BRD1: variants seen among roughly 807,000 people sequenced by gnomAD.
The protein encoded by BRD1 is bromodomain containing 1.
BRD1 carries 24 observed loss-of-function variants against 107.7 expected under a neutral mutation model. The observed-to-expected ratio is 0.22, with a 90% CI of 0.16 to 0.31. The LOEUF (loss-of-function observed/expected upper bound fraction) is 0.31, where lower values mean the gene tolerates loss of function less well. Ranked by LOEUF, BRD1 falls within the 10% of genes least tolerant of loss-of-function variation. The pLI is 1.00. For synonymous variants in BRD1, 744 were observed against 686.1 expected (o/e 1.08, Z -1.32); for missense variants, 1,279 against 1,638.6 (o/e 0.78, Z 3.79).
intron 2 of BRD1, chr22:49,806,391 A>T (rs966093492): frequency 6.6e-6 from 1 of 152,176 alleles, no homozygotes; most frequent in Non-Finnish European, 1.5e-5. Context: ...TGCGTCTGTG[A>T]CCCCAACTAC....
At chr22:49,780,103 G>A (rs1023836329) in intron 8 of BRD1, among the ~76,000 whole-genome samples, 3 of 152,170 alleles carry the variant, frequency 2.0e-5, no homozygotes, top group African/African-American at 7.2e-5. Flanking sequence ...ACGATGACCA[G>A]TGCGGCCTTC....
In BRD1 at chr22:49,775,596, T is replaced by C. The variant is rs766623096; in HGVS notation, c.3381A>G (p.Arg1127=). The C allele has an allele frequency of 6.2e-7, 1 of 1,606,916 alleles. No homozygotes were observed. Among genetic ancestry groups the C allele is most frequent in the Non-Finnish European group, 8.5e-7 (1 of 1,176,774 alleles). Residue 1127 remains arginine (R), a synonymous_variant, in exon 12 of 13, where the codon AGA becomes AGG. Transcript: ENST00000404760. ...LFLVLFFDNK[R]SWQWLPKSKM... The stretch of plus-strand genomic sequence containing the variant: ...TCTAAGGCCTCTCAACTCACCAACT[T>C]CTCTTATTATCAAAAAAGAGAACGA...
intron 8 of BRD1, 75 bp downstream of exon 8, chr22:49,787,315 C>G: frequency 8.4e-6 from 7 of 834,850 alleles, no homozygotes; most frequent in East Asian, 9.6e-5. Context: ...CCCCCCCCGT[C>G]ACACCAATGA....
chr22:49,792,133 G>A lies in BRD1; in HGVS notation c.2359+1901C>T, dbSNP rs1309999280. Among the ~76,000 whole-genome samples, 1 of 151,832 alleles carries A rather than the reference G, an allele frequency of 6.6e-6. No individual in the cohort carries two copies. The highest frequency in any genetic ancestry group is 1.5e-5 in the Non-Finnish European group (1 of 68,008). ...GTCCTGTGACCCAATAACCGTGCGGGGTCCTCAGCCCTGTGACCCAATGGC... is the reference window on the plus strand; with the variant it reads ...GTCCTGTGACCCAATAACCGTGCGGAGTCCTCAGCCCTGTGACCCAATGGC... On this transcript the variant is annotated intron_variant, in intron 7 of 12. Transcript: ENST00000404760. The surrounding 1 kb of genome is among the most constrained non-coding windows in gnomAD (Gnocchi z 4.2).
chr22:49,807,420 A>C (rs1336498589), intron 2 of BRD1, among the ~76,000 whole-genome samples: 1 of 152,242 alleles, frequency 6.6e-6, no homozygotes, highest in Non-Finnish European at 1.5e-5. Context: ...AAGGACACAC[A>C]TATAGACCAT....
chr22:49,798,210 CCTAT>C (rs1258911952), intron 5 of BRD1, 93 bp from the exon 6 acceptor site: 2 of 1,285,154 alleles, frequency 1.6e-6, no homozygotes, highest in African/African-American at 3.0e-5. Context: ...ACAAGCCCAT[CCTAT>C]CTGAGAGCCA....
chr22:49,806,227 C>A (rs1312677515), intron 2 of BRD1: 2 of 152,184 alleles, frequency 1.3e-5, no homozygotes, highest in African/African-American at 4.8e-5. Flanking sequence ...TTTCTTCTGA[C>A]CCATGAGATG....
intron 10 of BRD1, among the ~76,000 whole-genome samples, 181 bp downstream of exon 10, chr22:49,776,853 G>T (rs571395881): frequency 2.6e-5 from 4 of 152,252 alleles, no homozygotes; most frequent in Non-Finnish European, 2.9e-5. Context: ...CAGGCACCCC[G>T]GCAGGGCCAC....
rs897548131 is a variant in BRD1, at chr22:49,774,132, G to A, written c.*101C>T. The stretch of plus-strand genomic sequence containing the variant: ...CCCTCCCCGGGGAAAAAGAATTAAA[G>A]AGCTATAACTAAAAATCAGAATAAG... On this transcript the variant is annotated 3_prime_UTR_variant, in exon 13 of 13. Coordinates refer to ENST00000404760, the MANE Select transcript of BRD1 (RefSeq NM_001304808.3). 49 of 1,388,026 alleles carry A rather than the reference G, an allele frequency of 3.5e-5. No homozygotes were observed. Among genetic ancestry groups the A allele is most frequent in the Admixed American group, 5.1e-5 (2 of 39,106 alleles). 86.0% of individuals were successfully genotyped at this position (1,388,026 alleles called of 1,614,324 possible).
chr22:49,792,851 G>A lies in BRD1; in HGVS notation c.2359+1183C>T, dbSNP rs916491395. Reference sequence around the variant, plus strand: ...TGTAAAACAGGATAAAAGGGGCGAAGCTCTGCAGACAGGAGCCACAAGAAG... The same window carrying A: ...TGTAAAACAGGATAAAAGGGGCGAAACTCTGCAGACAGGAGCCACAAGAAG... On this transcript the variant is annotated intron_variant, in intron 7 of 12. Coordinates refer to ENST00000404760, the MANE Select transcript of BRD1 (RefSeq NM_001304808.3). The surrounding 1 kb of genome is among the most constrained non-coding windows in gnomAD (Gnocchi z 4.2). Among the ~76,000 whole-genome samples, 1 of 152,196 alleles carries A rather than the reference G, an allele frequency of 6.6e-6. No homozygotes were observed. The highest frequency in any genetic ancestry group is 2.4e-5 in the African/African-American group (1 of 41,446).
chr22:49,811,438 G>A (rs913452255), intron 2 of BRD1, among the ~76,000 whole-genome samples: 2 of 152,196 alleles, frequency 1.3e-5, no homozygotes, highest in African/African-American at 4.8e-5. Flanking sequence ...CAAGGGGGAT[G>A]GTTCCAAGAC....
In BRD1 at chr22:49,773,576, T is replaced by G. The variant is rs1029145528; in HGVS notation, c.*657A>C. The G allele has an allele frequency of 1.0e-4, 16 of 152,700 alleles. No homozygotes were observed. The highest frequency in any genetic ancestry group is 7.8e-4 in the Admixed American group (12 of 15,292). 9.5% of individuals were successfully genotyped at this position (152,700 alleles called of 1,614,324 possible). On this transcript the variant is annotated 3_prime_UTR_variant, in exon 13 of 13. Coordinates refer to ENST00000404760, the MANE Select transcript of BRD1 (RefSeq NM_001304808.3). Reference sequence around the variant, plus strand: ...AATGCATTCTGCTCCCAAGCCAAGTTGAATTTTTATGTGCCTGTATAAAAA... The same window carrying G: ...AATGCATTCTGCTCCCAAGCCAAGTGGAATTTTTATGTGCCTGTATAAAAA...
Position 49,823,227 on chromosome 22 carries a change from A to G in BRD1, c.1091T>C (p.Met364Thr). The change falls in exon 2 of 13, where the codon ATG (methionine) becomes ACG (threonine). Residue 364 changes from methionine (M) to threonine (T), a missense_variant. Physicochemically the swap from Met to Thr is moderately conservative, Grantham distance 81. Coordinates refer to ENST00000404760, the MANE Select transcript of BRD1 (RefSeq NM_001304808.3). ...GCCAGTCAGTTCCTTCACGGGCTCCATTTTCATGTACAGGCCAGCCTTCTG... is the reference window on the plus strand; with the variant it reads ...GCCAGTCAGTTCCTTCACGGGCTCCGTTTTCATGTACAGGCCAGCCTTCTG... ...CAQKAGLYMKMEPVKELTGGG... is the reference protein window; with the variant it reads ...CAQKAGLYMKTEPVKELTGGG... 1 of 1,614,086 alleles carries G rather than the reference A, an allele frequency of 6.2e-7. No homozygotes were observed. The highest frequency in any genetic ancestry group is 8.5e-7 in the Non-Finnish European group (1 of 1,180,024).
chr22:49,823,968 A>G lies in BRD1; in HGVS notation c.350T>C (p.Leu117Pro). 1 of 1,614,026 alleles carries G rather than the reference A, an allele frequency of 6.2e-7. No homozygotes were observed. The highest frequency in any genetic ancestry group is 8.5e-7 in the Non-Finnish European group (1 of 1,180,022). ...CACGATGCGCACCTTGGGCTCCGGG[A>G]GGGCACTGGCCGAGGCCGGCGTGCC... is the stretch of plus-strand genomic sequence containing the variant. ...AHGTPASASA[L>P]PEPKVRIVEY... Residue 117 changes from leucine to proline, a missense_variant, in exon 2 of 13, where the codon CTC (leucine) becomes CCC (proline). By Grantham distance (98) the Leu-to-Pro change is moderately conservative. This residue lies in a region of BRD1 where 223 missense variants were observed against 263.5 expected (regional missense o/e 0.85). Transcript: ENST00000404760.
intron 2 of BRD1, among the ~76,000 whole-genome samples, chr22:49,820,500 G>A (rs559251912): frequency 1.3e-5 from 2 of 152,350 alleles, no homozygotes; most frequent in Non-Finnish European, 2.9e-5. Context: ...GAGGCTGGGA[G>A]GAGGCTGAGG....
chr22:49,784,004 T>C (rs1224732472), intron 8 of BRD1, among the ~76,000 whole-genome samples: 2 of 152,224 alleles, frequency 1.3e-5, no homozygotes, highest in African/African-American at 4.8e-5. Flanking sequence ...AAAAGCCATT[T>C]AGTCTGAATG....
chr22:49,784,484 G>T (rs117331818), intron 8 of BRD1, among the ~76,000 whole-genome samples: 4 of 152,354 alleles, frequency 2.6e-5, no homozygotes, highest in Admixed American at 2.0e-4. Context: ...CTGGGCCATC[G>T]CAGGAACAGA....
intron 4 of BRD1, 46 bp downstream of exon 4, chr22:49,798,942 C>A (rs1478439737): frequency 3.9e-6 from 6 of 1,556,590 alleles, no homozygotes; most frequent in East Asian, 2.3e-5. Context: ...CCCACCCACG[C>A]CCCGTGGCCA....
At chr22:49,814,238 C>G (rs369379637) in intron 2 of BRD1, among the ~76,000 whole-genome samples, 1 of 152,250 alleles carries the variant, frequency 6.6e-6, no homozygotes, top group Non-Finnish European at 1.5e-5. Context: ...CACTCACCCA[C>G]GGGCACAAGC....
Sources: allele counts gnomAD v4.1 joint callset (sites outside exome capture counted in the v4.1 genomes callset), GRCh38; gene constraint gnomAD v4.1.1; regional missense constraint gnomAD v4.1.1; non-coding constraint Gnocchi (gnomAD v3.1); transcripts MANE v1.5; gene names NCBI Gene and HGNC (gene_info 2026-07-23, HGNC 2026-07-21).